The following POU3F3 variants were observed in gnomAD, a reference collection of about 807,000 sequenced individuals.
POU3F3 encodes POU domain, class 3, transcription factor 3.
A neutral mutation model predicts 8.6 loss-of-function variants in POU3F3; 1 was observed. The observed-to-expected ratio is 0.12, with a 90% CI of 0.04 to 0.55. POU3F3 has a LOEUF of 0.55. Among genes scored for constraint, POU3F3 ranks in the 20% least tolerant of loss-of-function variants. The pLI is 0.91. For synonymous variants in POU3F3, 418 were observed against 327.4 expected (o/e 1.28, Z -2.99); for missense variants, 577 against 690.7 (o/e 0.84, Z 1.84).
chr2:104,919,450 G>A, the POU3F3 span, among the ~76,000 whole-genome samples: 3,071 of 152,254 alleles, frequency 0.02, 47 homozygotes, highest in Non-Finnish European at 0.034. Context: ...GTGGCTTTAG[G>A]GGTTGAATGT....
At chr2:104,874,536 TCTC>T in the POU3F3 span, among the ~76,000 whole-genome samples, 2 of 152,082 alleles carry the variant, frequency 1.3e-5, no homozygotes, top group East Asian at 1.9e-4. Context: ...CCAAACCTCT[TCTC>T]CTCTGACCCC....
the POU3F3 span, among the ~76,000 whole-genome samples, chr2:104,870,712 T>C: frequency 6.6e-6 from 1 of 152,192 alleles, no homozygotes; most frequent in Non-Finnish European, 1.5e-5. Context: ...CCCCCTCCTT[T>C]CTTCTCATGG....
At chr2:104,866,433 C>T in the POU3F3 span, 2 of 152,124 alleles carry the variant, frequency 1.3e-5, no homozygotes, top group South Asian at 4.1e-4. Context: ...GTTACCTTTC[C>T]CCTTTGTTCC....
chr2:104,872,425 T>A, the POU3F3 span: 1 of 432,198 alleles, frequency 2.3e-6, no homozygotes, highest in Non-Finnish European at 4.7e-6. This position sits in a 1 kb window ranked among gnomAD's most constrained non-coding sequence, Gnocchi z 4.6. Flanking sequence ...CGAGAAATCC[T>A]GCTTCCAACT....
At chr2:104,872,141 C>A in the POU3F3 span, 3 of 430,064 alleles carry the variant, frequency 7.0e-6, no homozygotes, top group South Asian at 3.3e-5. This position sits in a 1 kb window ranked among gnomAD's most constrained non-coding sequence, Gnocchi z 4.6. Flanking sequence ...CCTTTCAAAA[C>A]CCCCTGGAGA....
downstream of POU3F3, among the ~76,000 whole-genome samples, chr2:104,862,589 G>A (rs1389416927): frequency 6.6e-6 from 1 of 152,154 alleles, no homozygotes; most frequent in African/African-American, 2.4e-5. Flanking sequence ...TGGCGGTCGC[G>A]GTGGGGCGGC....
chr2:104,900,878 T>C, the POU3F3 span, among the ~76,000 whole-genome samples: 1 of 152,204 alleles, frequency 6.6e-6, no homozygotes, highest in Admixed American at 6.5e-5. Flanking sequence ...AAAAATGGGC[T>C]CGGATGTTGG....
chr2:104,856,390 C>G lies in POU3F3; in HGVS notation c.880C>G (p.His294Asp). 6.4e-7 allele frequency: 1 copy of G among 1,567,266 alleles called. No homozygotes were observed. Among genetic ancestry groups the G allele is most frequent in the Non-Finnish European group, 8.6e-7 (1 of 1,158,428 alleles). Residue 294 changes from histidine (H) to aspartate (D), a missense_variant, in exon 1 of 1, where the codon CAC becomes GAC. This residue lies in a region of POU3F3 where 484 missense variants were observed against 422.6 expected (regional missense o/e 1.15). Coordinates refer to ENST00000361360, the MANE Select transcript of POU3F3 (RefSeq NM_006236.3). ...GCACCACGCGCAGGGACCCCCGCAC[C>G]ACGGCGGCGGCGGCGGCGGCGCGGG... ...HPHHAQGPPH[H>D]GGGGGGAGPG... is the part of the protein sequence containing the mutation.
At chr2:104,899,930 A>T in the POU3F3 span, among the ~76,000 whole-genome samples, 1 of 152,208 alleles carries the variant, frequency 6.6e-6, no homozygotes, top group Non-Finnish European at 1.5e-5. Context: ...ACATTCGAAG[A>T]CTGCCCTTGT....
the POU3F3 span, among the ~76,000 whole-genome samples, chr2:104,909,840 C>A: frequency 6.6e-6 from 1 of 152,316 alleles, no homozygotes; most frequent in South Asian, 2.1e-4. Flanking sequence ...AATGCCTAAT[C>A]TCTTGTCATT....
the POU3F3 span, among the ~76,000 whole-genome samples, chr2:104,920,920 TC>T: frequency 3.3e-5 from 5 of 151,852 alleles, no homozygotes; most frequent in African/African-American, 7.3e-5. Flanking sequence ...CCAAGAAGTC[TC>T]CCCCCACATT....
chr2:104,865,794 G>A, the POU3F3 span: 4 of 152,206 alleles, frequency 2.6e-5, no homozygotes, highest in African/African-American at 9.7e-5. Flanking sequence ...AGGAGGGTGA[G>A]TCTGTGTTTC....
chr2:104,905,680 C>T, the POU3F3 span, among the ~76,000 whole-genome samples: 1 of 152,142 alleles, frequency 6.6e-6, no homozygotes, highest in Admixed American at 6.5e-5. Context: ...TGGCTTCCAG[C>T]GATCCTCAGC....
At chr2:104,921,190 G>A in the POU3F3 span, among the ~76,000 whole-genome samples, 2 of 152,124 alleles carry the variant, frequency 1.3e-5, no homozygotes, top group Non-Finnish European at 2.9e-5. Context: ...TGACAGAGGC[G>A]AGGAGGCCAT....
chr2:104,926,395 C>T, the POU3F3 span, among the ~76,000 whole-genome samples: 1 of 152,092 alleles, frequency 6.6e-6, no homozygotes, highest in African/African-American at 2.4e-5. Flanking sequence ...CAAATCAAAA[C>T]CACAATGAGA....
At chr2:104,889,809 A>G in the POU3F3 span, among the ~76,000 whole-genome samples, 1 of 152,256 alleles carries the variant, frequency 6.6e-6, no homozygotes, top group African/African-American at 2.4e-5. Context: ...AACTTTCATA[A>G]ACATTATAAA....
the POU3F3 span, among the ~76,000 whole-genome samples, chr2:104,910,856 A>G: frequency 6.6e-6 from 1 of 152,214 alleles, no homozygotes; most frequent in Non-Finnish European, 1.5e-5. Flanking sequence ...AGAAAAAAGA[A>G]CAATAAAAAG....
At chr2:104,901,059 T>A in the POU3F3 span, among the ~76,000 whole-genome samples, 1 of 152,236 alleles carries the variant, frequency 6.6e-6, no homozygotes, top group African/African-American at 2.4e-5. Flanking sequence ...TATGATTAAA[T>A]TGCAAAATGA....
chr2:104,863,335 C>T (rs751570986), downstream of POU3F3, among the ~76,000 whole-genome samples: 56 of 152,046 alleles, frequency 3.7e-4, no homozygotes, highest in Non-Finnish European at 6.8e-4. Flanking sequence ...CTGAAAGTTT[C>T]CCTGGAAGGT....
Sources: allele counts gnomAD v4.1 joint callset (sites outside exome capture counted in the v4.1 genomes callset), GRCh38; gene constraint gnomAD v4.1.1; regional missense constraint gnomAD v4.1.1; non-coding constraint Gnocchi (gnomAD v3.1); transcripts MANE v1.5; gene names NCBI Gene and HGNC (gene_info 2026-07-23, HGNC 2026-07-21).